Variants in CACUL1 observed in about 807,000 individuals in gnomAD.
CACUL1 encodes the protein CDK2 associated cullin domain 1.
CACUL1 carries 13 observed loss-of-function variants against 45.2 expected under a neutral mutation model. That is an observed-to-expected ratio of 0.29 (90% confidence interval 0.19 to 0.46). The LOEUF (loss-of-function observed/expected upper bound fraction) is 0.46, where lower values mean the gene tolerates loss of function less well. CACUL1 is among the 20% of genes least tolerant of loss of function. The pLI is 1.00. For missense variants in CACUL1, 421 were observed against 471.4 expected (o/e 0.89, Z 0.99); for synonymous variants, 197 against 174.2 (o/e 1.13, Z -1.03).
rs1845686481 is a variant in CACUL1 at position 118,730,346 on chromosome 10, T to C, written c.432A>G (p.Ile144Met). The C allele has an allele frequency of 1.9e-6, 3 of 1,613,886 alleles. No individual in the cohort carries two copies. Among genetic ancestry groups the C allele is most frequent in the Non-Finnish European group, 2.5e-6 (3 of 1,179,714 alleles). The change falls in exon 2 of 9, where the codon ATA becomes ATG. Residue 144 changes from isoleucine (I) to methionine (M), a missense_variant. Coordinates refer to ENST00000369151, the MANE Select transcript of CACUL1 (RefSeq NM_153810.5). Reference sequence around the variant, plus strand: ...CAGGACTCTGAGTTAAAAGTTGATCTATGGCACCATCCAATTTTGGCCAGT... The same window carrying C: ...CAGGACTCTGAGTTAAAAGTTGATCCATGGCACCATCCAATTTTGGCCAGT... ...STYWPKLDGA[I>M]DQLLTQSPGD... is the part of the protein sequence containing the mutation.
intron 3 of CACUL1, among the ~76,000 whole-genome samples, chr10:118,713,442 T>C (rs1165007494): frequency 6.6e-6 from 1 of 152,168 alleles, no homozygotes; most frequent in Non-Finnish European, 1.5e-5. Flanking sequence ...GCCCCACCTG[T>C]TGACGCCTCC....
At chr10:118,700,727 AAAAAAAAAG>A (rs1489721250) in intron 5 of CACUL1, among the ~76,000 whole-genome samples, 1 of 105,520 alleles carries the variant, frequency 9.5e-6, no homozygotes, top group Non-Finnish European at 2.3e-5. Context: ...AAAAAAAAAA[AAAAAAAAAG>A]AATGGGAAGA....
chr10:118,694,562 T>C (rs1485357957), intron 6 of CACUL1, among the ~76,000 whole-genome samples: 2 of 152,264 alleles, frequency 1.3e-5, no homozygotes, highest in South Asian at 2.1e-4. Flanking sequence ...TTCCGGCTTA[T>C]AGAAAGATAT....
intron 1 of CACUL1, among the ~76,000 whole-genome samples, chr10:118,752,935 A>T (rs749656408): frequency 1.4e-4 from 22 of 151,924 alleles, no homozygotes; most frequent in Non-Finnish European, 3.2e-4. Flanking sequence ...ATTTATTTGC[A>T]TCTTTTTTTC....
rs1451126857 is a variant in CACUL1 at position 118,704,139 on chromosome 10, C to T, written c.694-2731G>A. On this transcript the variant is annotated intron_variant, in intron 4 of 8. Transcript: ENST00000369151. The stretch of plus-strand genomic sequence containing the variant: ...CGTGCTTAGGCTCATGCCTTTAATT[C>T]CAGCATTTTGGGAGGCCAAGGTGGA... Among the ~76,000 whole-genome samples the T allele has an allele frequency of 2.8e-4, 43 of 151,720 alleles. 1 individual carries two copies. The highest frequency in any genetic ancestry group is 2.8e-3 in the Admixed American group (43 of 15,246).
chr10:118,724,538 G>A (rs528075134), intron 3 of CACUL1, among the ~76,000 whole-genome samples: 33 of 151,930 alleles, frequency 2.2e-4, no homozygotes, highest in Non-Finnish European at 3.8e-4. Flanking sequence ...TTTTTTACAC[G>A]GACCAAAAAA....
chr10:118,710,302 C>T (rs1845472850), intron 3 of CACUL1, among the ~76,000 whole-genome samples: 1 of 152,110 alleles, frequency 6.6e-6, no homozygotes, highest in Non-Finnish European at 1.5e-5. Flanking sequence ...GATTGGGGCT[C>T]AGAAATAGTC....
intron 8 of CACUL1, 71 bp downstream of exon 8, chr10:118,686,527 T>C: frequency 9.0e-7 from 1 of 1,116,338 alleles, no homozygotes; most frequent in Non-Finnish European, 1.4e-6. Context: ...AATGCACTGT[T>C]ATCACAGTGC....
intron 5 of CACUL1, among the ~76,000 whole-genome samples, chr10:118,697,449 C>T (rs1218606569): frequency 6.6e-6 from 1 of 152,224 alleles, no homozygotes; most frequent in African/African-American, 2.4e-5. Context: ...ATAGTTTAAA[C>T]ACTAGAATAG....
intron 3 of CACUL1, among the ~76,000 whole-genome samples, chr10:118,721,541 C>T (rs1845600312): frequency 6.6e-6 from 1 of 151,840 alleles, no homozygotes; most frequent in Non-Finnish European, 1.5e-5. Context: ...TAAATTCAGC[C>T]TTATTTGAGA....
intron 3 of CACUL1, among the ~76,000 whole-genome samples, chr10:118,712,334 G>A (rs1260525900): frequency 6.6e-6 from 1 of 152,208 alleles, no homozygotes; most frequent in Non-Finnish European, 1.5e-5. Context: ...AAGAACCAAA[G>A]GGCCCCAAAG....
At chr10:118,752,466 C>T (rs1322530401) in intron 1 of CACUL1, among the ~76,000 whole-genome samples, 2 of 152,144 alleles carry the variant, frequency 1.3e-5, no homozygotes, top group Admixed American at 1.3e-4. Context: ...AGATGTTAAA[C>T]CATGCTTTCA....
In CACUL1 at chr10:118,683,672, G is replaced by A. The variant is rs1305285925; in HGVS notation, c.*2456C>T. 6.6e-6 allele frequency: 1 copy of A among 152,156 alleles called. No homozygotes were observed. Among genetic ancestry groups the A allele is most frequent in the Non-Finnish European group, 1.5e-5 (1 of 68,032 alleles). The allele number at this position is 152,156 out of a possible 1,614,324, so 9.4% of individuals were successfully genotyped here. A position where few individuals can be genotyped will look rare whatever the true frequency, so the allele number is the denominator to read the frequency against. On this transcript the variant is annotated 3_prime_UTR_variant, in exon 9 of 9. Transcript: ENST00000369151. The stretch of plus-strand genomic sequence containing the variant: ...ATTGCACCACTGCACTCCAGCCTGG[G>A]TGAGAGAGTGAGACTCCATCTCAAA...
At chr10:118,736,641 C>T (rs1036955633) in intron 1 of CACUL1, among the ~76,000 whole-genome samples, 2 of 152,084 alleles carry the variant, frequency 1.3e-5, no homozygotes, top group African/African-American at 4.8e-5. Context: ...CAGCATCTGG[C>T]CAGAAGCAAT....
At chr10:118,728,561 T>C (rs1485740648) in intron 3 of CACUL1, among the ~76,000 whole-genome samples, 2 of 152,116 alleles carry the variant, frequency 1.3e-5, no homozygotes, top group African/African-American at 4.8e-5. Context: ...AGTGCTGGGA[T>C]TGCTGAGTGA....
At chr10:118,749,088 A>G (rs1210924076) in intron 1 of CACUL1, among the ~76,000 whole-genome samples, 1 of 152,214 alleles carries the variant, frequency 6.6e-6, no homozygotes, top group East Asian at 1.9e-4. Context: ...TGCTCTGAGA[A>G]GGTCCTTCAC....
At chr10:118,705,454 A>C (rs911385858) in intron 4 of CACUL1, among the ~76,000 whole-genome samples, 4 of 152,212 alleles carry the variant, frequency 2.6e-5, no homozygotes, top group Non-Finnish European at 5.9e-5. Flanking sequence ...ACAGCATTTT[A>C]ATGTACCCTT....
chr10:118,697,767 CAA>C (rs1190818866), intron 5 of CACUL1, among the ~76,000 whole-genome samples: 1 of 152,190 alleles, frequency 6.6e-6, no homozygotes, highest in African/African-American at 2.4e-5. Context: ...TCTGCTGCTG[CAA>C]AAGTCAACAC....
chr10:118,699,908 A>G (rs1168136201), intron 5 of CACUL1, among the ~76,000 whole-genome samples: 1 of 152,132 alleles, frequency 6.6e-6, no homozygotes, highest in Non-Finnish European at 1.5e-5. Context: ...TCAGCCTCCC[A>G]AAGCGCTGGG....
Sources: allele counts gnomAD v4.1 joint callset (sites outside exome capture counted in the v4.1 genomes callset), GRCh38; gene constraint gnomAD v4.1.1; transcripts MANE v1.5; gene names NCBI Gene and HGNC (gene_info 2026-07-23, HGNC 2026-07-21).